ANXA6: variants seen among roughly 807,000 people sequenced by gnomAD.
ANXA6 encodes 67 kDa calelectrin.
ANXA6 carries 71 observed loss-of-function variants against 95.4 expected under a neutral mutation model. That is an observed-to-expected ratio of 0.74 (90% CI 0.61 to 0.91). The LOEUF is 0.91. Among genes scored for constraint, ANXA6 ranks in the 40% least tolerant of loss-of-function variants. The pLI, the probability that ANXA6 is intolerant of heterozygous loss-of-function variation, is 0.00. For synonymous variants in ANXA6, 289 were observed against 315.9 expected (o/e 0.91, Z 0.90); for missense variants, 830 against 876.4 (o/e 0.95, Z 0.67).
At chr5:151,141,323 G>A (rs569461229) in intron 2 of ANXA6, among the ~76,000 whole-genome samples, 1 of 152,296 alleles carries the variant, frequency 6.6e-6, no homozygotes, top group East Asian at 1.9e-4. Flanking sequence ...CTGAGGAATT[G>A]GGGAGAAAGG....
intron 1 of ANXA6, among the ~76,000 whole-genome samples, chr5:151,148,163 G>A (rs552205086): frequency 5.3e-5 from 8 of 151,886 alleles, no homozygotes; most frequent in South Asian, 2.1e-4. Context: ...AAGGGAGGGC[G>A]GGCATGGCAC....
intron 23 of ANXA6, among the ~76,000 whole-genome samples, chr5:151,105,522 C>A (rs1331027170): frequency 3.3e-5 from 5 of 152,180 alleles, no homozygotes; most frequent in African/African-American, 1.2e-4. Flanking sequence ...TTGCAACTCT[C>A]TTCCTTCTAA....
At position 151,134,383 on chromosome 5, in the gene ANXA6, G is replaced by GCT. The variant is rs1561579556; in HGVS notation, c.546+42_546+43dup. On this transcript the variant is annotated intron_variant, in intron 8 of 25. Coordinates refer to ENST00000354546, the MANE Select transcript of ANXA6 (RefSeq NM_001155.5). ...GGGCCCCAACCTCTCCCCTCCCAAG[G>GCT]CTCTTCTGCTGTGCCTCAGGGACTT... 3 of 1,604,838 alleles carry GCT rather than the reference G, an allele frequency of 1.9e-6. No homozygotes were observed. The South Asian group carries it at 3.3e-5, about 18-fold the overall frequency.
intron 18 of ANXA6, among the ~76,000 whole-genome samples, chr5:151,118,333 T>G (rs1765063507): frequency 6.6e-6 from 1 of 151,428 alleles, no homozygotes; most frequent in African/African-American, 2.4e-5. Context: ...TGATCAAGGC[T>G]CACTACAGCC....
chr5:151,123,793 C>A (rs751203228), intron 15 of ANXA6, among the ~76,000 whole-genome samples: 116 of 152,338 alleles, frequency 7.6e-4, no homozygotes, highest in Non-Finnish European at 1.6e-3. Context: ...TGATCTGAAC[C>A]TGTGGGTGCA....
intron 18 of ANXA6, among the ~76,000 whole-genome samples, chr5:151,118,579 G>T (rs922717008): frequency 3.9e-5 from 6 of 152,106 alleles, no homozygotes; most frequent in African/African-American, 1.2e-4. Context: ...GGCTACAGGC[G>T]CATGCCACCA....
At chr5:151,106,772 C>T (rs113330183) in intron 23 of ANXA6, among the ~76,000 whole-genome samples, 2 of 152,174 alleles carry the variant, frequency 1.3e-5, no homozygotes, top group African/African-American at 2.4e-5. Flanking sequence ...CTAAGAAGCA[C>T]GCTGGGCAGA....
chr5:151,145,954 C>T (rs1035770302), intron 2 of ANXA6, among the ~76,000 whole-genome samples: 4 of 152,128 alleles, frequency 2.6e-5, no homozygotes, highest in African/African-American at 9.7e-5. Context: ...TCTCCTCAAC[C>T]TAGGTGGGGT....
chr5:151,135,401 C>T (rs569386414), intron 7 of ANXA6, among the ~76,000 whole-genome samples: 3 of 152,192 alleles, frequency 2.0e-5, no homozygotes, highest in African/African-American at 4.8e-5. Flanking sequence ...TGATCATTCC[C>T]CAGCTGGTTA....
chr5:151,140,403 T>C (rs1029031747), intron 2 of ANXA6, 160 bp from the exon 3 acceptor site: 40 of 651,518 alleles, frequency 6.1e-5, no homozygotes, highest in Non-Finnish European at 7.1e-5. Context: ...TGTGGATGAC[T>C]TTCCCATACC....
chr5:151,136,345 G>C lies in ANXA6; in HGVS notation c.410-10C>G. On this transcript the variant is annotated splice_polypyrimidine_tract_variant and intron_variant, in intron 6 of 25. Coordinates refer to ENST00000354546, the MANE Select transcript of ANXA6 (RefSeq NM_001155.5). Reference sequence around the variant, plus strand: ...AGGTCCCGCTCGTAGGCTGCAGAAAGGAACGCAAGCTCTAGTCTCATCCCC... The same window carrying C: ...AGGTCCCGCTCGTAGGCTGCAGAAACGAACGCAAGCTCTAGTCTCATCCCC... The C allele has an allele frequency of 6.2e-7, 1 of 1,613,690 alleles. No homozygotes were observed. The highest frequency in any genetic ancestry group is 8.5e-7 in the Non-Finnish European group (1 of 1,179,654).
At chr5:151,150,425 A>T (rs1475967693) in intron 1 of ANXA6, among the ~76,000 whole-genome samples, 1 of 152,222 alleles carries the variant, frequency 6.6e-6, no homozygotes, top group African/African-American at 2.4e-5. Context: ...GGCCAGGCAC[A>T]AGACCTGTTC....
chr5:151,137,523 T>G (rs1363848464), intron 5 of ANXA6, among the ~76,000 whole-genome samples: 1 of 152,156 alleles, frequency 6.6e-6, no homozygotes, highest in Non-Finnish European at 1.5e-5. Context: ...CCACCAAATC[T>G]CATGTCGAAT....
At chr5:151,126,939 A>G (rs557860625) in intron 13 of ANXA6, among the ~76,000 whole-genome samples, 23 of 151,442 alleles carry the variant, frequency 1.5e-4, no homozygotes, top group Non-Finnish European at 3.1e-4. Flanking sequence ...CTGGTCTTGA[A>G]CTCCTGACCT....
At chr5:151,115,279 C>CT (rs908088657) in intron 20 of ANXA6, among the ~76,000 whole-genome samples, 1 of 152,116 alleles carries the variant, frequency 6.6e-6, no homozygotes, top group African/African-American at 2.4e-5. Context: ...GTTATGGAGT[C>CT]TTTTTTGGCT....
intron 20 of ANXA6, among the ~76,000 whole-genome samples, chr5:151,114,613 T>TAAAAACAAAAA (rs1764943391): frequency 1.4e-5 from 1 of 70,298 alleles, no homozygotes; most frequent in African/African-American, 5.3e-5. Context: ...GACTCCGTCT[T>TAAAAACAAAAA]AAAAAAAAAA....
intron 20 of ANXA6, among the ~76,000 whole-genome samples, chr5:151,113,205 A>G (rs1379070783): frequency 6.6e-6 from 1 of 152,202 alleles, no homozygotes; most frequent in African/African-American, 2.4e-5. Context: ...GTTTGAGACC[A>G]GTCTGGCCAA....
At chr5:151,110,740 G>T (rs1764826574) in intron 20 of ANXA6, 96 bp from the exon 21 acceptor site, 1 of 1,409,478 alleles carries the variant, frequency 7.1e-7, no homozygotes, top group South Asian at 1.2e-5. Flanking sequence ...TGCAGGGTGA[G>T]GGGCCTGGCT....
intron 2 of ANXA6, among the ~76,000 whole-genome samples, chr5:151,143,022 C>T (rs1765878204): frequency 6.6e-6 from 1 of 152,182 alleles, no homozygotes; most frequent in Non-Finnish European, 1.5e-5. Flanking sequence ...ATGTCCCTCC[C>T]ACGGCTCACT....
Sources: gnomAD v4.1 joint callset for allele counts (sites outside exome capture counted in the v4.1 genomes callset) on GRCh38, gnomAD v4.1.1 for gene constraint, MANE v1.5 for transcripts, NCBI Gene and HGNC (gene_info 2026-07-23, HGNC 2026-07-21) for gene names.